Variants in NKAIN2 observed in about 807,000 individuals in gnomAD.
The protein encoded by NKAIN2 is sodium/potassium transporting ATPase interacting 2.
A neutral mutation model predicts 32.6 loss-of-function variants in NKAIN2; 14 were observed. That is an observed-to-expected ratio of 0.43 (90% confidence interval 0.28 to 0.67). NKAIN2 has a LOEUF of 0.67. NKAIN2 is among the 30% of genes least tolerant of loss of function. NKAIN2 has a pLI of 0.17. For synonymous variants in NKAIN2, 80 were observed against 87.2 expected (o/e 0.92, Z 0.46); for missense variants, 198 against 258.3 (o/e 0.77, Z 1.60).
At chr6:124,167,456 A>G (rs1007071297) in intron 1 of NKAIN2, among the ~76,000 whole-genome samples, 34 of 152,292 alleles carry the variant, frequency 2.2e-4, no homozygotes, top group African/African-American at 7.7e-4. Context: ...CAATGATGTC[A>G]TCTGCAAACA....
At chr6:124,808,179 C>A (rs557129486) in intron 5 of NKAIN2, among the ~76,000 whole-genome samples, 4 of 151,542 alleles carry the variant, frequency 2.6e-5, no homozygotes, top group South Asian at 2.1e-4. Context: ...GAGACACAAC[C>A]AAAAAAGAGA....
chr6:124,067,206 C>T (rs572092567), intron 1 of NKAIN2, among the ~76,000 whole-genome samples: 7 of 152,200 alleles, frequency 4.6e-5, no homozygotes, highest in African/African-American at 1.7e-4. Context: ...CAGCTGGGCA[C>T]CCTTCCTAGA....
intron 4 of NKAIN2, among the ~76,000 whole-genome samples, chr6:124,749,988 G>A (rs1014213602): frequency 1.7e-4 from 26 of 151,454 alleles, no homozygotes; most frequent in African/African-American, 5.1e-4. Flanking sequence ...TCTCTTTGGG[G>A]ACATGTGATA....
chr6:124,475,593 G>C (rs1777164301), intron 3 of NKAIN2, among the ~76,000 whole-genome samples: 1 of 152,136 alleles, frequency 6.6e-6, no homozygotes, highest in Admixed American at 6.5e-5. Context: ...ACTGCCATTA[G>C]ATAAGAAAGT....
intron 1 of NKAIN2, among the ~76,000 whole-genome samples, chr6:123,806,605 C>T (rs1328112361): frequency 1.3e-5 from 2 of 151,938 alleles, no homozygotes; most frequent in African/African-American, 2.4e-5. Flanking sequence ...TATGTCTTTG[C>T]GCTATTATGA....
At chr6:124,758,089 C>T (rs1200685914) in intron 4 of NKAIN2, among the ~76,000 whole-genome samples, 1 of 152,080 alleles carries the variant, frequency 6.6e-6, no homozygotes, top group Non-Finnish European at 1.5e-5. Context: ...CCCCAAGTTT[C>T]ATTTGGGGAT....
At chr6:124,130,312 C>T (rs147262569) in intron 1 of NKAIN2, among the ~76,000 whole-genome samples, 1 of 152,274 alleles carries the variant, frequency 6.6e-6, no homozygotes, top group East Asian at 1.9e-4. Context: ...ATGTTCTTTT[C>T]ATCTGAAACA....
chr6:124,261,866 CAA>C (rs1233407177), intron 1 of NKAIN2, among the ~76,000 whole-genome samples: 4 of 124,500 alleles, frequency 3.2e-5, no homozygotes, highest in Admixed American at 8.3e-5. Flanking sequence ...CCATCTCACA[CAA>C]AAAAAAAAAA....
intron 1 of NKAIN2, among the ~76,000 whole-genome samples, chr6:123,960,661 C>T (rs1777803685): frequency 6.6e-6 from 1 of 151,940 alleles, no homozygotes; most frequent in Non-Finnish European, 1.5e-5. Context: ...CTGCTTGAGC[C>T]ACAGGCACTA....
At chr6:124,039,883 A>G (rs1044419618) in intron 1 of NKAIN2, among the ~76,000 whole-genome samples, 2 of 151,954 alleles carry the variant, frequency 1.3e-5, no homozygotes, top group African/African-American at 4.8e-5. Flanking sequence ...TTAATAGTGG[A>G]CATCTTTACT....
At chr6:124,377,568 A>C (rs1800047076) in intron 3 of NKAIN2, among the ~76,000 whole-genome samples, 1 of 152,130 alleles carries the variant, frequency 6.6e-6, no homozygotes, top group South Asian at 2.1e-4. Context: ...GTTGGAGAAG[A>C]AGAAAATAAT....
chr6:123,924,963 T>C (rs1775938889), intron 1 of NKAIN2, among the ~76,000 whole-genome samples: 1 of 152,058 alleles, frequency 6.6e-6, no homozygotes, highest in Non-Finnish European at 1.5e-5. Context: ...TAAAATATCA[T>C]GATTATATTA....
At chr6:123,811,985 CTG>C (rs1166266232) in intron 1 of NKAIN2, among the ~76,000 whole-genome samples, 1 of 152,204 alleles carries the variant, frequency 6.6e-6, no homozygotes, top group Non-Finnish European at 1.5e-5. Context: ...ATTTCTAAAA[CTG>C]TGTTCTGTGG....
At chr6:124,076,743 T>G (rs1783714500) in intron 1 of NKAIN2, among the ~76,000 whole-genome samples, 1 of 152,230 alleles carries the variant, frequency 6.6e-6, no homozygotes, top group South Asian at 2.1e-4. Flanking sequence ...GTGAGCCTTC[T>G]GCTTTTAGGC....
At chr6:124,766,247 G>A (rs900686849) in intron 4 of NKAIN2, among the ~76,000 whole-genome samples, 4 of 152,096 alleles carry the variant, frequency 2.6e-5, no homozygotes, top group South Asian at 2.1e-4. Context: ...TAAGACCCTC[G>A]TTTAAAGTGC....
At chr6:124,537,750 G>T (rs1187155332) in intron 3 of NKAIN2, among the ~76,000 whole-genome samples, 1 of 152,054 alleles carries the variant, frequency 6.6e-6, no homozygotes, top group African/African-American at 2.4e-5. Flanking sequence ...TACATTGTTA[G>T]AAATAAGCTC....
At chr6:124,062,160 A>AT (rs972796742) in intron 1 of NKAIN2, among the ~76,000 whole-genome samples, 6 of 151,922 alleles carry the variant, frequency 3.9e-5, no homozygotes, top group African/African-American at 1.5e-4. Flanking sequence ...TTGCTAACCT[A>AT]TTTTTTTCAA....
chr6:124,028,821 GTA>G (rs1213879248), intron 1 of NKAIN2, among the ~76,000 whole-genome samples: 18 of 136,474 alleles, frequency 1.3e-4, no homozygotes, highest in Admixed American at 4.3e-4. Flanking sequence ...ACGTATATGT[GTA>G]TATATATACA....
At position 124,654,418 on chromosome 6, in the gene NKAIN2, A is replaced by G. The variant is rs186844523; in HGVS notation, c.274-3768A>G. The stretch of plus-strand genomic sequence containing the variant: ...GTTCAAATGACCTTTAGAAATCTCA[A>G]ACGTAAGTTAAAAGAGAAAATACCA... On this transcript the variant is annotated intron_variant, in intron 3 of 6. Transcript: ENST00000368417. Among the ~76,000 whole-genome samples, 1,167 of 152,286 alleles carry G rather than the reference A, an allele frequency of 7.7e-3. 6 individuals carry two copies. The highest frequency in any genetic ancestry group is 0.014 in the Non-Finnish European group (923 of 68,016).
Sources: gnomAD v4.1 joint callset for allele counts (sites outside exome capture counted in the v4.1 genomes callset) on GRCh38, gnomAD v4.1.1 for gene constraint, MANE v1.5 for transcripts, NCBI Gene and HGNC (gene_info 2026-07-23, HGNC 2026-07-21) for gene names.